SYN3: variants seen among roughly 807,000 people sequenced by gnomAD.
SYN3 encodes synapsin-3.
In SYN3, 35 loss-of-function variants were observed where a neutral mutation model predicts 65.8. The ratio of observed to expected loss-of-function variants is 0.53; its 90% CI spans 0.41 to 0.70. The LOEUF (loss-of-function observed/expected upper bound fraction) is 0.70, where lower values mean the gene tolerates loss of function less well. SYN3 is among the 30% of genes least tolerant of loss of function. The probability of loss-of-function intolerance (pLI) is 0.00; values close to 1 mark genes in which losing one functional copy is unlikely to be tolerated. For missense variants in SYN3, 680 were observed against 749.0 expected (o/e 0.91, Z 1.08); for synonymous variants, 270 against 292.9 (o/e 0.92, Z 0.80).
At chr22:33,013,834 C>T (rs929108055) in intron 1 of SYN3, among the ~76,000 whole-genome samples, 2 of 152,082 alleles carry the variant, frequency 1.3e-5, no homozygotes, top group Admixed American at 6.6e-5. Context: ...GTCTTTCTGT[C>T]CCTGGCTTAT....
intron 6 of SYN3, among the ~76,000 whole-genome samples, chr22:32,835,818 C>T (rs1277951264): frequency 1.3e-5 from 2 of 152,270 alleles, no homozygotes; most frequent in East Asian, 1.9e-4. Context: ...CCCTGGGGCC[C>T]ACCCAGCTTG....
chr22:32,594,113 T>C (rs533075620), intron 7 of SYN3, among the ~76,000 whole-genome samples: 1 of 151,446 alleles, frequency 6.6e-6, no homozygotes, highest in South Asian at 2.1e-4. Flanking sequence ...TGGAGCCATA[T>C]GCAAGGATGG....
chr22:32,514,073 C>A (rs550364479), intron 13 of SYN3, among the ~76,000 whole-genome samples: 18 of 152,270 alleles, frequency 1.2e-4, no homozygotes, highest in Admixed American at 7.2e-4. Context: ...TGCTCCGGTC[C>A]TCACAGCAAG....
chr22:32,577,046 CA>C (rs1388827705), intron 7 of SYN3, among the ~76,000 whole-genome samples: 2 of 152,222 alleles, frequency 1.3e-5, no homozygotes, highest in African/African-American at 4.8e-5. Flanking sequence ...TTAGCATCAC[CA>C]GGGGATAATA....
At chr22:32,856,404 G>A (rs1161657210) in intron 6 of SYN3, among the ~76,000 whole-genome samples, 2 of 152,076 alleles carry the variant, frequency 1.3e-5, no homozygotes, top group Non-Finnish European at 2.9e-5. Context: ...CTGGGGTGAA[G>A]GGGGCCCTGG....
intron 7 of SYN3, among the ~76,000 whole-genome samples, chr22:32,546,164 C>T (rs936586367): frequency 2.6e-5 from 4 of 152,132 alleles, no homozygotes; most frequent in Admixed American, 1.3e-4. Context: ...ACGGATTCTA[C>T]CCCTGGAACC....
intron 4 of SYN3, among the ~76,000 whole-genome samples, chr22:32,878,089 G>C (rs1365773686): frequency 6.6e-6 from 1 of 152,156 alleles, no homozygotes; most frequent in Non-Finnish European, 1.5e-5. Flanking sequence ...TGGAGTGCAG[G>C]TCTTTGGGCT....
intron 6 of SYN3, among the ~76,000 whole-genome samples, chr22:32,808,666 C>T (rs981140148): frequency 4.6e-5 from 7 of 152,198 alleles, no homozygotes; most frequent in African/African-American, 1.7e-4. Context: ...GACACCCCCT[C>T]GGTTTTGAAC....
rs769489974 is a variant in SYN3 at position 32,507,863 on chromosome 22, AT to A, written c.*5828del. Among the ~76,000 whole-genome samples, 1 of 151,960 alleles carries A rather than the reference AT, an allele frequency of 6.6e-6. No homozygotes were observed. Among genetic ancestry groups the A allele is most frequent in the Non-Finnish European group, 1.5e-5 (1 of 68,026 alleles). On this transcript the variant is annotated 3_prime_UTR_variant, in exon 14 of 14. Coordinates refer to ENST00000358763, the MANE Select transcript of SYN3 (RefSeq NM_003490.4). ...CTACACAACAAATGTTTCTTCTAAC[AT>A]CCCCACAATATCACCCCTTACCACG...
intron 6 of SYN3, among the ~76,000 whole-genome samples, chr22:32,658,990 T>G (rs1248690659): frequency 6.6e-6 from 1 of 152,136 alleles, no homozygotes; most frequent in Non-Finnish European, 1.5e-5. Flanking sequence ...CCCAGTCTGG[T>G]AGATGCTAGC....
At chr22:32,873,995 A>C (rs1280597163) in intron 4 of SYN3, among the ~76,000 whole-genome samples, 1 of 152,078 alleles carries the variant, frequency 6.6e-6, no homozygotes, top group African/African-American at 2.4e-5. Flanking sequence ...TTAGCTGGGC[A>C]TAGTGGCACA....
At chr22:32,928,011 G>A (rs1391306656) in intron 4 of SYN3, among the ~76,000 whole-genome samples, 1 of 152,192 alleles carries the variant, frequency 6.6e-6, no homozygotes, top group Non-Finnish European at 1.5e-5. Context: ...TAAACCCATT[G>A]TAAACTGAAA....
chr22:32,578,902 A>C (rs1004438248), intron 7 of SYN3, among the ~76,000 whole-genome samples: 9 of 152,258 alleles, frequency 5.9e-5, no homozygotes, highest in Non-Finnish European at 1.2e-4. Context: ...GTGTGAAAGT[A>C]GCCACAGACA....
At chr22:32,589,083 A>T (rs1330789340) in intron 7 of SYN3, among the ~76,000 whole-genome samples, 2 of 152,170 alleles carry the variant, frequency 1.3e-5, no homozygotes, top group Non-Finnish European at 2.9e-5. Context: ...TATTCTCAAC[A>T]CACTGCCTGT....
chr22:32,872,720 C>T (rs1404030263), intron 4 of SYN3, among the ~76,000 whole-genome samples: 1 of 152,094 alleles, frequency 6.6e-6, no homozygotes, highest in African/African-American at 2.4e-5. Flanking sequence ...CAGTTCCTCC[C>T]TCTGTACCCA....
chr22:32,771,341 G>C (rs192224022), intron 6 of SYN3, among the ~76,000 whole-genome samples: 3 of 152,292 alleles, frequency 2.0e-5, no homozygotes, highest in Non-Finnish European at 1.5e-5. Context: ...TTGAGTACCG[G>C]AGGAAAAAGG....
intron 6 of SYN3, among the ~76,000 whole-genome samples, chr22:32,710,666 A>G (rs2060951153): frequency 6.6e-6 from 1 of 151,218 alleles, no homozygotes; most frequent in Non-Finnish European, 1.5e-5. Flanking sequence ...AGAAAAAGAA[A>G]GAAAGTGTAG....
At chr22:32,755,554 C>T (rs5754251) in intron 6 of SYN3, among the ~76,000 whole-genome samples, 127,780 of 152,164 alleles carry the variant, frequency 0.84, 54,031 homozygotes, top group African/African-American at 0.93. Flanking sequence ...CCGAGCTCAG[C>T]GTTCTTTCCA....
chr22:33,009,783 CACACACACACTT>C (rs2053303551), intron 1 of SYN3, among the ~76,000 whole-genome samples: 1 of 136,176 alleles, frequency 7.3e-6, no homozygotes, highest in African/African-American at 2.7e-5. Context: ...CACACACACA[CACACACACACTT>C]ATATATGCAT....
Sources: allele counts gnomAD v4.1 joint callset (sites outside exome capture counted in the v4.1 genomes callset), GRCh38; gene constraint gnomAD v4.1.1; transcripts MANE v1.5; gene names NCBI Gene and HGNC (gene_info 2026-07-23, HGNC 2026-07-21).